Variants in PSMB2 observed in about 807,000 individuals in gnomAD.
PSMB2 encodes proteasome subunit beta type-2.
PSMB2 carries 13 observed loss-of-function variants against 25.7 expected under a neutral mutation model. That is an observed-to-expected ratio of 0.51 (90% CI 0.33 to 0.80). The LOEUF (loss-of-function observed/expected upper bound fraction) is 0.80. PSMB2 is among the 30% of genes least tolerant of loss of function. The probability of loss-of-function intolerance (pLI) is 0.02; values close to 1 mark genes in which losing one functional copy is unlikely to be tolerated. For synonymous variants in PSMB2, 87 were observed against 96.2 expected, an observed-to-expected ratio of 0.90 and a Z score of 0.56; for missense variants, 202 against 259.0, an observed-to-expected ratio of 0.78 and a Z score of 1.51.
chr1:35,639,730 G>A (rs1314067418), intron 1 of PSMB2, among the ~76,000 whole-genome samples: 1 of 152,204 alleles, frequency 6.6e-6, no homozygotes, highest in African/African-American at 2.4e-5. Context: ...ACCTAGACAT[G>A]ACTTAATGTT....
At chr1:35,633,642 GT>G (rs1651163817) in intron 2 of PSMB2, among the ~76,000 whole-genome samples, 1 of 152,172 alleles carries the variant, frequency 6.6e-6, no homozygotes, top group Admixed American at 6.5e-5. Context: ...TACTTCATTT[GT>G]TATGCAGGCA....
chr1:35,620,547 G>A (rs1650650129), intron 3 of PSMB2, among the ~76,000 whole-genome samples: 1 of 151,880 alleles, frequency 6.6e-6, no homozygotes, highest in Non-Finnish European at 1.5e-5. Flanking sequence ...CTGTCACCCA[G>A]GCTGGAGTGC....
At chr1:35,637,840 A>C (rs1424552228) in intron 1 of PSMB2, among the ~76,000 whole-genome samples, 2 of 152,206 alleles carry the variant, frequency 1.3e-5, no homozygotes, top group Admixed American at 1.3e-4. Context: ...CAAACTTGTT[A>C]ATAAACGAAA....
At chr1:35,624,667 T>G (rs1489459927) in intron 3 of PSMB2, among the ~76,000 whole-genome samples, 2 of 149,532 alleles carry the variant, frequency 1.3e-5, no homozygotes, top group Non-Finnish European at 3.0e-5. Flanking sequence ...GCAGGAGAAT[T>G]GCTCAAACCC....
At chr1:35,630,191 A>G (rs1651049159) in intron 3 of PSMB2, among the ~76,000 whole-genome samples, 1 of 152,234 alleles carries the variant, frequency 6.6e-6, no homozygotes. Flanking sequence ...AATAAAAATA[A>G]AAATAATCTG....
rs1651194417 is a variant in PSMB2, at chr1:35,634,635, C to T, written c.214+1675G>A. On this transcript the variant is annotated intron_variant, in intron 2 of 5. Coordinates refer to ENST00000373237, the MANE Select transcript of PSMB2 (RefSeq NM_002794.5). ...TCAAGTGATCCTCCCATCTCAGCCT[C>T]TCAAAAGTGCTGGGATTACAGGTGC... 2.0e-5 allele frequency among the ~76,000 whole-genome samples: 3 copies of T among 152,126 alleles called. No homozygotes were observed. In the South Asian group the frequency reaches 6.2e-4, roughly 31 times the overall value.
intron 3 of PSMB2, among the ~76,000 whole-genome samples, chr1:35,622,820 AAAAAAGAAAG>A (rs1192911782): frequency 6.6e-6 from 1 of 152,088 alleles, no homozygotes; most frequent in East Asian, 1.9e-4. Flanking sequence ...TAAAAAAAAA[AAAAAAGAAAG>A]AAAAAGAAAA....
chr1:35,612,377 G>A (rs182009573), intron 3 of PSMB2, among the ~76,000 whole-genome samples: 4 of 151,464 alleles, frequency 2.6e-5, no homozygotes, highest in East Asian at 1.9e-4. Flanking sequence ...AAATAATAAC[G>A]GTAAAACAAC....
intron 3 of PSMB2, among the ~76,000 whole-genome samples, chr1:35,627,139 C>T (rs141048409): frequency 0.015 from 2,262 of 150,578 alleles, 63 homozygotes; most frequent in African/African-American, 0.051. Context: ...GGTGGCTTGG[C>T]GCCTGTAGTT....
chr1:35,626,417 G>A (rs937549362), intron 3 of PSMB2, among the ~76,000 whole-genome samples: 52 of 152,256 alleles, frequency 3.4e-4, no homozygotes, highest in African/African-American at 1.2e-3. Context: ...ATTCTCAGCA[G>A]AATATATAGA....
chr1:35,627,855 G>A (rs1254440690), intron 3 of PSMB2, among the ~76,000 whole-genome samples: 2 of 152,114 alleles, frequency 1.3e-5, no homozygotes, highest in South Asian at 2.1e-4. Flanking sequence ...TAATGAACCA[G>A]TTTATGTAAG....
At chr1:35,607,890 A>C (rs1395966623) in intron 4 of PSMB2, among the ~76,000 whole-genome samples, 1 of 152,084 alleles carries the variant, frequency 6.6e-6, no homozygotes, top group East Asian at 1.9e-4. Flanking sequence ...ACTGTCATTC[A>C]ACATGAATGG....
At chr1:35,625,340 T>C (rs990264448) in intron 3 of PSMB2, among the ~76,000 whole-genome samples, 3 of 152,198 alleles carry the variant, frequency 2.0e-5, no homozygotes, top group African/African-American at 4.8e-5. Flanking sequence ...CTCTAAGCCT[T>C]GCCACAAAAT....
intron 1 of PSMB2, among the ~76,000 whole-genome samples, chr1:35,638,969 G>T (rs114106810): frequency 0.018 from 2,786 of 152,264 alleles, 98 homozygotes; most frequent in African/African-American, 0.063. Context: ...AAAGTCATCA[G>T]ACGGCTGGGC....
intron 2 of PSMB2, among the ~76,000 whole-genome samples, chr1:35,635,082 A>G (rs1306381596): frequency 6.6e-6 from 1 of 151,864 alleles, no homozygotes; most frequent in Non-Finnish European, 1.5e-5. Flanking sequence ...CAACATGGAG[A>G]AACCCTGTCT....
In PSMB2 at chr1:35,641,469, C is replaced by A. The variant is rs1651394374; in HGVS notation, c.-37G>T. The A allele has an allele frequency of 6.2e-7, 1 of 1,613,434 alleles. No individual in the cohort carries two copies. Among genetic ancestry groups the A allele is most frequent in the Non-Finnish European group, 8.5e-7 (1 of 1,179,684 alleles). On this transcript the variant is annotated 5_prime_UTR_variant, in exon 1 of 6. Transcript: ENST00000373237. The stretch of plus-strand genomic sequence containing the variant: ...GCCAGGGGCTGCAGGTCCGACACAG[C>A]ACGAGACTCGCCCGCTTCCAGGTCT...
chr1:35,633,658 G>C (rs1351546368), intron 2 of PSMB2, among the ~76,000 whole-genome samples: 1 of 152,184 alleles, frequency 6.6e-6, no homozygotes, highest in Non-Finnish European at 1.5e-5. Flanking sequence ...CAGGCAAAAA[G>C]TGGAACCACT....
rs543647350 is a variant in PSMB2, at chr1:35,600,731, A to G, written c.*2536T>C. ...GAAAGAGATCCAGATTGGCAAAAAA[A>G]CACTGAGAGTCAGGATGGGTTTGCA... On this transcript the variant is annotated 3_prime_UTR_variant, in exon 6 of 6. Transcript: ENST00000373237. The G allele has an allele frequency of 5.2e-5, 51 of 985,320 alleles. No homozygotes were observed. Among genetic ancestry groups the G allele is most frequent in the South Asian group, 4.7e-5 (1 of 21,294 alleles). The allele number at this position is 985,320 out of a possible 1,614,324, so 61.0% of individuals were successfully genotyped here.
chr1:35,618,907 T>C (rs897517344), intron 3 of PSMB2, among the ~76,000 whole-genome samples: 1 of 152,200 alleles, frequency 6.6e-6, no homozygotes. Flanking sequence ...TTTGTAGCAC[T>C]AAAAAACAAA....
Sources: gnomAD v4.1 joint callset for allele counts (sites outside exome capture counted in the v4.1 genomes callset) on GRCh38, gnomAD v4.1.1 for gene constraint, MANE v1.5 for transcripts, NCBI Gene and HGNC (gene_info 2026-07-23, HGNC 2026-07-21) for gene names.